CLEC20A: variants seen among roughly 807,000 people sequenced by gnomAD.
CLEC20A encodes C-type lectin domain containing 20A.
chr1:178,479,322 A>G, exon 8 of CLEC20A: 1 of 359,962 alleles, frequency 2.8e-6, no homozygotes, highest in Non-Finnish European at 4.9e-6. Context: ...GTTCCCAAAT[A>G]CACCCATCTT....
At chr1:178,484,081 G>C (rs776055610) in intron 5 of CLEC20A, 16 of 152,090 alleles carry the variant, frequency 1.1e-4, no homozygotes, top group Non-Finnish European at 2.2e-4. Context: ...TTATTTAACC[G>C]ATCTGCTTTC....
chr1:178,496,819 C>T (rs1400238686), intron 1 of CLEC20A, 81 bp downstream of exon 1: 1 of 398,594 alleles, frequency 2.5e-6, no homozygotes, highest in African/African-American at 2.1e-5. Context: ...CTGGGAACTT[C>T]AGGGGTGCGC....
chr1:178,492,626 G>GCTGTC (rs1649291711), intron 2 of CLEC20A, 60 bp from the exon 3 acceptor site: 1 of 398,478 alleles, frequency 2.5e-6, no homozygotes, highest in African/African-American at 2.1e-5. Context: ...GCAGGCAGGA[G>GCTGTC]CTGTCCGGTT....
chr1:178,491,794 T>C (rs150712484), intron 3 of CLEC20A, among the ~76,000 whole-genome samples: 1 of 152,256 alleles, frequency 6.6e-6, no homozygotes, highest in East Asian at 1.9e-4. Context: ...AATGCAGTAA[T>C]ACCAGAGGGG....
At chr1:178,499,235 T>C (rs1360247629), upstream of CLEC20A, among the ~76,000 whole-genome samples, 2 of 152,184 alleles carry the variant, frequency 1.3e-5, no homozygotes, top group Admixed American at 6.5e-5. Context: ...CACAAAGCAC[T>C]CGCTTCTCAC....
upstream of CLEC20A, chr1:178,499,562 C>G (rs567702964): frequency 6.6e-6 from 1 of 152,352 alleles, no homozygotes; most frequent in East Asian, 1.9e-4. Flanking sequence ...ATGCTTCCTG[C>G]CCTTGAACAT....
At chr1:178,484,500 A>C (rs1476184913) in intron 5 of CLEC20A, 2 of 151,986 alleles carry the variant, frequency 1.3e-5, no homozygotes, top group African/African-American at 4.8e-5. Flanking sequence ...CGGCTGTGCA[A>C]CATGACGAGA....
intron 2 of CLEC20A, 149 bp from the exon 3 acceptor site, chr1:178,492,715 C>T (rs61813855): frequency 0.021 from 8,267 of 396,808 alleles, 110 homozygotes; most frequent in Non-Finnish European, 0.028. Context: ...TCAATAAATA[C>T]TGGGCACCTA....
rs954346918 is a variant in CLEC20A, at chr1:178,490,086, A to T, written c.815T>A (p.Phe272Tyr). 14 of 398,694 alleles carry T rather than the reference A, an allele frequency of 3.5e-5. No individual in the cohort carries two copies. In the East Asian group the frequency reaches 5.0e-4, roughly 14 times the overall value. The allele number at this position is 398,694 out of a possible 1,614,324, so 24.7% of individuals were successfully genotyped here. A position where few individuals can be genotyped will look rare whatever the true frequency, so the allele number is the denominator to read the frequency against. The change falls in exon 4 of 8, where the codon TTC becomes TAC. Residue 272 changes from phenylalanine (F) to tyrosine (Y), a missense_variant. Phe to Tyr is a conservative substitution (Grantham distance 22, BLOSUM62 3). Coordinates refer to ENST00000623247, the Ensembl canonical transcript of CLEC20A. ...CTCTCACTCACCATAGAAGCAGAAG[A>T]AGGGCAGCAGGGAAGAGCAGTTCAC...
chr1:178,486,280 C>T (rs1007667823), intron 5 of CLEC20A, among the ~76,000 whole-genome samples: 2 of 152,194 alleles, frequency 1.3e-5, no homozygotes, highest in African/African-American at 2.4e-5. Context: ...CAGCACACAA[C>T]GCGCCCACAC....
chr1:178,496,858 A>T (rs982597258), intron 1 of CLEC20A, 42 bp downstream of exon 1: 11 of 398,294 alleles, frequency 2.8e-5, no homozygotes, highest in Non-Finnish European at 4.4e-5. Flanking sequence ...AGCCCGGGGG[A>T]GCATGGAGCC....
exon 8 of CLEC20A, chr1:178,479,414 G>A: frequency 2.6e-6 from 1 of 392,012 alleles, no homozygotes. Flanking sequence ...TTGTAGGTCT[G>A]TGCTTTTTGG....
exon 8 of CLEC20A, chr1:178,479,445 A>G (rs1648886272): frequency 7.6e-6 from 3 of 394,726 alleles, no homozygotes. Flanking sequence ...GTTCTTCCTA[A>G]TCTTGTTCTA....
intron 5 of CLEC20A, chr1:178,486,801 C>T: frequency 2.5e-6 from 1 of 398,490 alleles, no homozygotes. Context: ...GGTGGGAAGA[C>T]GCACTCTGGG....
upstream of CLEC20A, among the ~76,000 whole-genome samples, chr1:178,498,136 C>T (rs187219488): frequency 9.2e-5 from 14 of 152,084 alleles, no homozygotes; most frequent in African/African-American, 2.7e-4. Flanking sequence ...AGGACTACAC[C>T]GCAGGCAGAG....
At chr1:178,484,196 A>G (rs921057013) in intron 5 of CLEC20A, 8 of 152,140 alleles carry the variant, frequency 5.3e-5, no homozygotes, top group Non-Finnish European at 1.2e-4. Context: ...TCATATTACT[A>G]TTTCCTTAAT....
At chr1:178,492,517 G>A (rs781101974) in exon 3 of CLEC20A, 18 of 398,418 alleles carry the variant, frequency 4.5e-5, no homozygotes, top group Non-Finnish European at 5.7e-5. Flanking sequence ...TTGGAGAGGT[G>A]GTCAGGCTGA....
intron 2 of CLEC20A, chr1:178,493,729 TGC>T (rs1649323661): frequency 6.6e-6 from 1 of 152,230 alleles, no homozygotes; most frequent in South Asian, 2.1e-4. Flanking sequence ...GCTCCCCTCC[TGC>T]CCAGTTCTGA....
chr1:178,491,554 A>G (rs571566201), intron 3 of CLEC20A, among the ~76,000 whole-genome samples: 1 of 152,296 alleles, frequency 6.6e-6, no homozygotes, highest in East Asian at 1.9e-4. Context: ...AGTTGGTGTC[A>G]TTAGCCTCAG....
Sources: allele counts gnomAD v4.1 joint callset (sites outside exome capture counted in the v4.1 genomes callset), GRCh38; gene constraint gnomAD v4.1.1; transcripts MANE v1.5; gene names NCBI Gene and HGNC (gene_info 2026-07-23, HGNC 2026-07-21).